The following IGF2BP2 variants were observed in gnomAD, a reference collection of about 807,000 sequenced individuals.
IGF2BP2 encodes the protein insulin like growth factor 2 mRNA binding protein 2.
Under a neutral mutation model 75.8 loss-of-function variants are expected in IGF2BP2, and 17 were observed. The observed-to-expected ratio is 0.22, with a 90% confidence interval of 0.15 to 0.34. The LOEUF is 0.34. Among genes scored for constraint, IGF2BP2 ranks in the 10% least tolerant of loss-of-function variants. The pLI is 1.00. For synonymous variants in IGF2BP2, 288 were observed against 295.6 expected, an observed-to-expected ratio of 0.97 and a Z score of 0.26; for missense variants, 516 against 772.4, an observed-to-expected ratio of 0.67 and a Z score of 3.93.
intron 2 of IGF2BP2, among the ~76,000 whole-genome samples, chr3:185,755,232 CT>C (rs1480779504): frequency 6.6e-6 from 1 of 152,252 alleles, no homozygotes; most frequent in Non-Finnish European, 1.5e-5. Context: ...CCCATCTCCA[CT>C]GCTCCAGCTC....
At chr3:185,665,985 G>A (rs577900942) in intron 10 of IGF2BP2, among the ~76,000 whole-genome samples, 3 of 145,486 alleles carry the variant, frequency 2.1e-5, no homozygotes, top group East Asian at 4.1e-4. Context: ...CAGATAGATA[G>A]ATAGGTAGAT....
At chr3:185,716,402 T>C (rs775211587) in intron 2 of IGF2BP2, 6 of 484,950 alleles carry the variant, frequency 1.2e-5, no homozygotes, top group South Asian at 7.7e-5. Flanking sequence ...TAAAACAGAA[T>C]ATCCCTCTTT....
At chr3:185,801,280 A>G (rs1246893261) in intron 2 of IGF2BP2, among the ~76,000 whole-genome samples, 1 of 152,158 alleles carries the variant, frequency 6.6e-6, no homozygotes, top group African/African-American at 2.4e-5. Flanking sequence ...ACTTGAGGTC[A>G]GGAGTTCAAG....
At chr3:185,768,718 T>C (rs1417616195) in intron 2 of IGF2BP2, among the ~76,000 whole-genome samples, 1 of 152,140 alleles carries the variant, frequency 6.6e-6, no homozygotes, top group Non-Finnish European at 1.5e-5. Flanking sequence ...TTCTGATAGA[T>C]CAATAAGCAC....
At chr3:185,799,951 T>A (rs1488213459) in intron 2 of IGF2BP2, among the ~76,000 whole-genome samples, 1 of 152,170 alleles carries the variant, frequency 6.6e-6, no homozygotes, top group Non-Finnish European at 1.5e-5. Context: ...GGATTATAAA[T>A]CATGCTACTA....
At chr3:185,681,044 C>T (rs1376042403) in intron 7 of IGF2BP2, among the ~76,000 whole-genome samples, 1 of 152,064 alleles carries the variant, frequency 6.6e-6, no homozygotes, top group Non-Finnish European at 1.5e-5. Flanking sequence ...GCAAGGATGC[C>T]CACTCCTGCC....
chr3:185,645,579 C>T lies in IGF2BP2; in HGVS notation c.1752G>A (p.Gln584=), dbSNP rs1203099781. Residue 584 remains glutamine (Q), a synonymous_variant, in exon 16 of 16, where the codon CAG becomes CAA. Transcript: ENST00000382199. This position sits in a 1 kb window ranked among gnomAD's most constrained non-coding sequence, Gnocchi z 4.9. The part of the protein sequence containing the change: ...KIREIVQQVK[Q]QEQKYPQGVA... ...CTCCCTGAGGGTATTTCTGCTCCTG[C>T]TGCTTCACCTGTTGTACAATTTCCC... The T allele has an allele frequency of 6.2e-7, 1 of 1,613,802 alleles. No individual in the cohort carries two copies. The highest frequency in any genetic ancestry group is 8.5e-7 in the Non-Finnish European group (1 of 1,179,816).
chr3:185,708,509 G>C (rs1307434520), intron 2 of IGF2BP2, among the ~76,000 whole-genome samples: 1 of 152,100 alleles, frequency 6.6e-6, no homozygotes, highest in African/African-American at 2.4e-5. Context: ...GCCCTTTAGA[G>C]GGGTGATAAA....
At position 185,645,722 on chromosome 3, in the gene IGF2BP2, G is replaced by A. The variant is rs1713399150; in HGVS notation, c.1708-99C>T. 1 of 838,742 alleles carries A rather than the reference G, an allele frequency of 1.2e-6. No individual in the cohort carries two copies. The highest frequency in any genetic ancestry group is 1.4e-5 in the South Asian group (1 of 69,900). The allele number at this position is 838,742 out of a possible 1,614,324, so 52.0% of individuals were successfully genotyped here. Reference sequence around the variant, plus strand: ...GGAGGCTCTGGGGCTTGGGGATGAAGGGTGGAATGCTCAGACAAGCATCAT... The same window carrying A: ...GGAGGCTCTGGGGCTTGGGGATGAAAGGTGGAATGCTCAGACAAGCATCAT... On this transcript the variant is annotated intron_variant, in intron 15 of 15. Transcript: ENST00000382199. This position sits in a 1 kb window ranked among gnomAD's most constrained non-coding sequence, Gnocchi z 4.9.
chr3:185,672,677 T>C lies in IGF2BP2; in HGVS notation c.1072-8A>G. On this transcript the variant is annotated splice_region_variant and splice_polypyrimidine_tract_variant and intron_variant, in intron 9 of 15. Transcript: ENST00000382199. ...GATCAGATTGGCTTGTTGCTGGGAA[T>C]AGAAATGGAGAAAAAAGATGAAGGG... 2 of 1,613,906 alleles carry C rather than the reference T, an allele frequency of 1.2e-6. No homozygotes were observed. The highest frequency in any genetic ancestry group is 1.7e-6 in the Non-Finnish European group (2 of 1,179,944).
chr3:185,666,071 C>G (rs1717577183), intron 10 of IGF2BP2, among the ~76,000 whole-genome samples: 1 of 151,854 alleles, frequency 6.6e-6, no homozygotes, highest in Admixed American at 6.6e-5. Context: ...AACTATGACC[C>G]TAGAATTTCT....
chr3:185,719,344 T>C (rs1234560517), intron 2 of IGF2BP2, among the ~76,000 whole-genome samples: 5 of 152,108 alleles, frequency 3.3e-5, no homozygotes, highest in East Asian at 1.9e-4. Context: ...ACAAAACAGA[T>C]TGGATTTGCT....
intron 2 of IGF2BP2, among the ~76,000 whole-genome samples, chr3:185,744,536 C>T (rs904867487): frequency 1.4e-4 from 22 of 152,266 alleles, no homozygotes; most frequent in Admixed American, 4.6e-4. Context: ...AGCCAGGTGC[C>T]ATGGCTCACA....
intron 2 of IGF2BP2, among the ~76,000 whole-genome samples, chr3:185,755,282 G>C (rs1464670537): frequency 6.6e-6 from 1 of 152,230 alleles, no homozygotes; most frequent in Non-Finnish European, 1.5e-5. Flanking sequence ...AGCTCGGGCT[G>C]CTTTGGAGAG....
chr3:185,790,406 A>G (rs1359015585), intron 2 of IGF2BP2, among the ~76,000 whole-genome samples: 1 of 152,232 alleles, frequency 6.6e-6, no homozygotes, highest in Non-Finnish European at 1.5e-5. Flanking sequence ...GCTTCAGGAT[A>G]TACATAACAA....
At chr3:185,720,620 G>A (rs1475495189) in intron 2 of IGF2BP2, among the ~76,000 whole-genome samples, 1 of 152,238 alleles carries the variant, frequency 6.6e-6, no homozygotes, top group Non-Finnish European at 1.5e-5. Context: ...TTGGTCTGTT[G>A]TGATATCTAA....
intron 2 of IGF2BP2, among the ~76,000 whole-genome samples, chr3:185,743,105 T>TAAAC (rs764724845): frequency 4.6e-5 from 7 of 151,100 alleles, no homozygotes; most frequent in Non-Finnish European, 1.0e-4. Flanking sequence ...TCTTAATAAA[T>TAAAC]AAACAAACAA....
At chr3:185,823,438 G>C (rs1271467184) in intron 1 of IGF2BP2, among the ~76,000 whole-genome samples, 1 of 152,194 alleles carries the variant, frequency 6.6e-6, no homozygotes, top group African/African-American at 2.4e-5. Context: ...TCGGACCCCA[G>C]GTATAGCCGT....
chr3:185,758,769 A>AC (rs1403411755), intron 2 of IGF2BP2, among the ~76,000 whole-genome samples: 6 of 152,226 alleles, frequency 3.9e-5, no homozygotes, highest in African/African-American at 7.2e-5. Flanking sequence ...TGTTTCACTG[A>AC]CATCATAAGC....
Sources: gnomAD v4.1 joint callset for allele counts (sites outside exome capture counted in the v4.1 genomes callset) on GRCh38, gnomAD v4.1.1 for gene constraint, Gnocchi (gnomAD v3.1) non-coding constraint, MANE v1.5 for transcripts, NCBI Gene and HGNC (gene_info 2026-07-23, HGNC 2026-07-21) for gene names.